Variants in AGBL1 observed in about 807,000 individuals in gnomAD.
The protein encoded by AGBL1 is AGBL carboxypeptidase 1.
In AGBL1, 130 loss-of-function variants were observed where a neutral mutation model predicts 118.9. That is an observed-to-expected ratio of 1.09 (90% confidence interval 0.95 to 1.26). The LOEUF (loss-of-function observed/expected upper bound fraction) is 1.26. AGBL1 is among the 50% of genes most tolerant of loss of function. The pLI, the probability that AGBL1 is intolerant of heterozygous loss-of-function variation, is 0.00. For missense variants in AGBL1, 1,584 were observed against 1,298.1 expected (o/e 1.22, Z -3.38); for synonymous variants, 555 against 478.9 (o/e 1.16, Z -2.08).
chr15:86,134,099 C>T (rs1049668135), intron 1 of AGBL1, among the ~76,000 whole-genome samples: 2 of 152,182 alleles, frequency 1.3e-5, no homozygotes, highest in African/African-American at 4.8e-5. Flanking sequence ...GCAGTTTCTG[C>T]CTGTTTCCTC....
At chr15:86,508,991 G>A (rs371892607) in intron 18 of AGBL1, among the ~76,000 whole-genome samples, 65 of 152,164 alleles carry the variant, frequency 4.3e-4, no homozygotes, top group African/African-American at 1.5e-3. Context: ...GTTAAATACT[G>A]GTATCACCCT....
chr15:86,649,822 A>C (rs1033138081), intron 21 of AGBL1, among the ~76,000 whole-genome samples: 11 of 151,046 alleles, frequency 7.3e-5, no homozygotes, highest in Admixed American at 6.6e-4. Context: ...ATATACAATT[A>C]ATGATTGCAT....
chr15:86,894,469 T>A (rs567823615), intron 22 of AGBL1, among the ~76,000 whole-genome samples: 16 of 152,306 alleles, frequency 1.1e-4, no homozygotes, highest in African/African-American at 3.8e-4. Flanking sequence ...GAAGCTGCTG[T>A]CTGCTCTCTG....
rs1426007725 is a variant in AGBL1, at chr15:86,868,298, T to C, written c.3159-38789T>C. On this transcript the variant is annotated intron_variant, in intron 22 of 22. Transcript: ENST00000614907. The stretch of plus-strand genomic sequence containing the variant: ...TGAGGTCGCCAGAGGACTATTCATA[T>C]GTGGCACTAACTGTATAGCACAAAG... Among the ~76,000 whole-genome samples, 3 of 152,362 alleles carry C rather than the reference T, an allele frequency of 2.0e-5. No homozygotes were observed. The East Asian group carries it at 5.8e-4, about 29-fold the overall frequency.
In AGBL1 at chr15:86,911,247, C is replaced by CT. The variant is rs2080346409; in HGVS notation, c.*3954dup. On this transcript the variant is annotated 3_prime_UTR_variant, in exon 23 of 23. Coordinates refer to ENST00000614907, the MANE Select transcript of AGBL1 (RefSeq NM_001386094.1). The stretch of plus-strand genomic sequence containing the variant: ...CAGGACTGGAACTGGGGCTGAGGGG[C>CT]TGTGGGGGCCTGCAGCTTCATGGGA... 1 of 153,868 alleles carries CT rather than the reference C, an allele frequency of 6.5e-6. No homozygotes were observed. The highest frequency in any genetic ancestry group is 2.4e-5 in the African/African-American group (1 of 41,478). 9.5% of individuals were successfully genotyped at this position (153,868 alleles called of 1,614,324 possible).
At chr15:86,703,830 A>C (rs2086401468) in intron 22 of AGBL1, among the ~76,000 whole-genome samples, 1 of 152,082 alleles carries the variant, frequency 6.6e-6, no homozygotes, top group Non-Finnish European at 1.5e-5. Context: ...AGTGTGAGTC[A>C]ATTAAATCTC....
chr15:86,668,429 G>A (rs1021048895), intron 21 of AGBL1, among the ~76,000 whole-genome samples: 4 of 151,990 alleles, frequency 2.6e-5, no homozygotes, highest in Non-Finnish European at 5.9e-5. Context: ...TTTCACCAAT[G>A]CAATATACTC....
chr15:86,793,507 A>G (rs892610980), intron 22 of AGBL1, among the ~76,000 whole-genome samples: 2 of 152,232 alleles, frequency 1.3e-5, no homozygotes, highest in Non-Finnish European at 2.9e-5. Context: ...TGAAAACTAT[A>G]TATCTCTTAG....
At chr15:86,998,827 G>A (rs4632097) in intron 24 of AGBL1, among the ~76,000 whole-genome samples, 1 of 151,882 alleles carries the variant, frequency 6.6e-6, no homozygotes, top group African/African-American at 2.4e-5. Flanking sequence ...AGGTGACATG[G>A]AGCCAAGATT....
intron 18 of AGBL1, among the ~76,000 whole-genome samples, chr15:86,425,859 A>T (rs187011163): frequency 5.3e-5 from 8 of 152,284 alleles, no homozygotes; most frequent in African/African-American, 1.7e-4. Flanking sequence ...ACTCATCTGT[A>T]TAATCTTTTT....
chr15:86,096,606 TATTAA>T (rs1896394431), intron 1 of AGBL1, among the ~76,000 whole-genome samples: 1 of 152,218 alleles, frequency 6.6e-6, no homozygotes, highest in Admixed American at 6.5e-5. Flanking sequence ...GTCATGCATC[TATTAA>T]ATTAAATGCT....
chr15:86,277,390 A>T (rs1373737658), intron 15 of AGBL1, among the ~76,000 whole-genome samples: 7 of 151,812 alleles, frequency 4.6e-5, no homozygotes, highest in Non-Finnish European at 8.8e-5. Context: ...CTACCATTTG[A>T]ATTCCTTACA....
At chr15:86,923,214 G>T (rs1042240564) in intron 23 of AGBL1, among the ~76,000 whole-genome samples, 1 of 152,182 alleles carries the variant, frequency 6.6e-6, no homozygotes, top group Non-Finnish European at 1.5e-5. Flanking sequence ...CAGATCTGTT[G>T]AATTATGTGG....
At chr15:86,438,139 C>A (rs1331414326) in intron 18 of AGBL1, among the ~76,000 whole-genome samples, 2 of 152,098 alleles carry the variant, frequency 1.3e-5, no homozygotes, top group African/African-American at 4.8e-5. Context: ...AACTCCTGAC[C>A]TCATGATCCA....
chr15:86,548,691 A>G (rs926163350), intron 20 of AGBL1, among the ~76,000 whole-genome samples: 2 of 151,768 alleles, frequency 1.3e-5, no homozygotes, highest in East Asian at 3.9e-4. Flanking sequence ...ACACACACAC[A>G]CACACAGCCA....
At chr15:86,847,600 T>G (rs1434391309) in intron 22 of AGBL1, among the ~76,000 whole-genome samples, 1 of 152,236 alleles carries the variant, frequency 6.6e-6, no homozygotes, top group Non-Finnish European at 1.5e-5. Context: ...CAATGATGTT[T>G]GAGAGGTTGC....
chr15:86,345,546 G>A (rs540473706), intron 17 of AGBL1, among the ~76,000 whole-genome samples: 69 of 152,322 alleles, frequency 4.5e-4, no homozygotes, highest in African/African-American at 1.7e-3. Flanking sequence ...GCAGTCAAGG[G>A]AGGCTTTTCT....
intron 17 of AGBL1, among the ~76,000 whole-genome samples, chr15:86,350,116 G>T (rs1478381510): frequency 6.6e-6 from 1 of 152,188 alleles, no homozygotes; most frequent in Non-Finnish European, 1.5e-5. Context: ...AGTTTTGCCT[G>T]GGAAATACAG....
At position 86,122,090 on chromosome 15, in the gene AGBL1, A is replaced by G. The variant is rs139830129; in HGVS notation, c.52-19914A>G. Reference sequence around the variant, plus strand: ...TTGAATGTGCGCTCTCCCTCCAAGGAACTGTCTCCAAGTTTCTTCCCCTTC... The same window carrying G: ...TTGAATGTGCGCTCTCCCTCCAAGGGACTGTCTCCAAGTTTCTTCCCCTTC... On this transcript the variant is annotated intron_variant, in intron 1 of 22. Coordinates refer to ENST00000614907, the MANE Select transcript of AGBL1 (RefSeq NM_001386094.1). Among the ~76,000 whole-genome samples the G allele has an allele frequency of 2.2e-4, 33 of 152,300 alleles. No individual in the cohort carries two copies. The East Asian group carries it at 6.4e-3, about 29-fold the overall frequency.
Sources: allele counts gnomAD v4.1 joint callset (sites outside exome capture counted in the v4.1 genomes callset), GRCh38; gene constraint gnomAD v4.1.1; transcripts MANE v1.5; gene names NCBI Gene and HGNC (gene_info 2026-07-23, HGNC 2026-07-21).